Variants in URB2 observed in about 807,000 individuals in gnomAD.
The protein encoded by URB2 is URB2 ribosome biogenesis homolog.
URB2 carries 86 observed loss-of-function variants against 120.9 expected under a neutral mutation model. The ratio of observed to expected loss-of-function variants is 0.71; its 90% CI spans 0.60 to 0.85. URB2 has a LOEUF of 0.85. Ranked by LOEUF, URB2 falls within the 40% of genes least tolerant of loss-of-function variation. The pLI is 0.00. For synonymous variants in URB2, 755 were observed against 758.4 expected (o/e 1.00, Z 0.07); for missense variants, 1,765 against 1,836.5 (o/e 0.96, Z 0.71).
At chr1:229,654,772 A>G (rs1257164603) in intron 9 of URB2, among the ~76,000 whole-genome samples, 1 of 152,080 alleles carries the variant, frequency 6.6e-6, no homozygotes, top group African/African-American at 2.4e-5. Context: ...AGTCCTGTCT[A>G]GTTCAAGGTG....
At chr1:229,628,113 A>G (rs993941153) in intron 2 of URB2, among the ~76,000 whole-genome samples, 7 of 141,170 alleles carry the variant, frequency 5.0e-5, no homozygotes, top group Non-Finnish European at 1.5e-5. Context: ...ATATATGTAT[A>G]TATATGTATA....
intron 3 of URB2, among the ~76,000 whole-genome samples, chr1:229,633,434 T>C (rs1288478061): frequency 2.0e-5 from 3 of 152,242 alleles, no homozygotes; most frequent in African/African-American, 7.2e-5. Context: ...TGCTGCAGCA[T>C]ATGTGCATAA....
rs541930622 is a variant in URB2 at position 229,643,702 on chromosome 1, C to T, written c.3795+9C>T. 24 of 1,607,354 alleles carry T rather than the reference C, an allele frequency of 1.5e-5. No individual in the cohort carries two copies. The African/African-American group carries it at 1.9e-4, about 13-fold the overall frequency. ...GGAAAGCAGATGTGCAGGTGGGTGC[C>T]TTCTCCCTCCTTGTGTGGCAGGCTC... is the stretch of plus-strand genomic sequence containing the variant. On this transcript the variant is annotated intron_variant, in intron 5 of 9. Transcript: ENST00000258243.
chr1:229,636,492 T>C lies in URB2; in HGVS notation c.1879T>C (p.Tyr627His), dbSNP rs1422359884. Residue 627 changes from tyrosine to histidine, a missense_variant, in exon 4 of 10, where the codon TAT becomes CAT. Coordinates refer to ENST00000258243, the MANE Select transcript of URB2 (RefSeq NM_014777.4). ...DAMFSLNCSQYHSMSGPLIGV... is the reference protein window; with the variant it reads ...DAMFSLNCSQHHSMSGPLIGV... ...TATGTTCAGTTTGAACTGTAGCCAGTATCACTCTATGTCTGGGCCCCTTAT... is the reference window on the plus strand; with the variant it reads ...TATGTTCAGTTTGAACTGTAGCCAGCATCACTCTATGTCTGGGCCCCTTAT... 11 of 1,614,108 alleles carry C rather than the reference T, an allele frequency of 6.8e-6. No homozygotes were observed. Among genetic ancestry groups the C allele is most frequent in the Admixed American group, 1.7e-5 (1 of 60,010 alleles).
rs755475581 is a variant in URB2 at position 229,636,152 on chromosome 1, G to A, written c.1539G>A (p.Thr513=). The A allele has an allele frequency of 1.2e-5, 19 of 1,614,256 alleles. No individual in the cohort carries two copies. Among genetic ancestry groups the A allele is most frequent in the East Asian group, 8.9e-5 (4 of 44,890 alleles). ...TGCCTCCAAGTCAGATCCTGGACAC[G>A]TGGTCCCTTGTGCTGGAGAAGTTCC... ...LELPPSQILD[T]WSLVLEKFQS... Residue 513 remains threonine, a synonymous_variant, in exon 4 of 10, where the codon ACG becomes ACA. Transcript: ENST00000258243.
chr1:229,641,128 T>C (rs1256274924), intron 4 of URB2, among the ~76,000 whole-genome samples: 1 of 150,058 alleles, frequency 6.7e-6, no homozygotes, highest in Non-Finnish European at 1.5e-5. Context: ...TTCCCATGCC[T>C]CGGCCTCCTG....
At chr1:229,655,561 T>C (rs1263996802) in intron 9 of URB2, among the ~76,000 whole-genome samples, 2 of 152,222 alleles carry the variant, frequency 1.3e-5, no homozygotes, top group Non-Finnish European at 2.9e-5. Context: ...CTTTGGAATG[T>C]CATTATGCTA....
rs777785139 is a variant in URB2, at chr1:229,638,052, C to T, written c.3439C>T (p.Leu1147=). ...CATTTCCCAAGGAAGCGACAGGACG[C>T]TGCTCTCCCATGTTGCCCTCTACCA... ...ADISQGSDRT[L]LSHVALYQGV... is the part of the protein sequence containing the mutation. The change falls in exon 4 of 10, where the codon CTG becomes TTG. Residue 1147 remains leucine, a synonymous_variant. Coordinates refer to ENST00000258243, the MANE Select transcript of URB2 (RefSeq NM_014777.4). 37 of 1,613,728 alleles carry T rather than the reference C, an allele frequency of 2.3e-5. No individual in the cohort carries two copies. The highest frequency in any genetic ancestry group is 2.8e-5 in the Non-Finnish European group (33 of 1,179,798).
intron 4 of URB2, 112 bp downstream of exon 4, chr1:229,638,359 T>C (rs1665910987): frequency 7.8e-7 from 1 of 1,288,596 alleles, no homozygotes. Flanking sequence ...AGGTACCACA[T>C]GTGCGGCTGG....
chr1:229,629,235 A>G (rs1023228266), intron 2 of URB2, among the ~76,000 whole-genome samples: 16 of 152,224 alleles, frequency 1.1e-4, no homozygotes, highest in African/African-American at 3.1e-4. Context: ...TCTGTCTCCC[A>G]GATGATGTAT....
rs1248241573 is a variant in URB2, at chr1:229,632,394, G to T, written c.252G>T (p.Gln84His). Reference sequence around the variant, plus strand: ...ACATTTTACATAGCAGAAAATTGCAGAATCTCCTCAAGAATGGAAAGACCA... The same window carrying T: ...ACATTTTACATAGCAGAAAATTGCATAATCTCCTCAAGAATGGAAAGACCA... ...IDNILHSRKL[Q>H]NLLKNGKTIN... The change falls in exon 3 of 10, where the codon CAG (glutamine) becomes CAT (histidine). Residue 84 changes from glutamine (Q) to histidine (H), a missense_variant. Gln to His is a conservative substitution (Grantham distance 24, BLOSUM62 0). Transcript: ENST00000258243. The T allele has an allele frequency of 3.2e-6, 5 of 1,584,066 alleles. No homozygotes were observed. The highest frequency in any genetic ancestry group is 4.3e-6 in the Non-Finnish European group (5 of 1,170,098).
chr1:229,636,877 G>C lies in URB2; in HGVS notation c.2264G>C (p.Cys755Ser), dbSNP rs368390658. The change falls in exon 4 of 10, where the codon TGT becomes TCT. Residue 755 changes from cysteine to serine, a missense_variant. Transcript: ENST00000258243. ...CTCACAATTTTAATATCCTATCTGT[G>C]TCCAGATGATGTGGGATACCTGGCC... is the stretch of plus-strand genomic sequence containing the variant. ...SNLTILISYL[C>S]PDDVGYLASV... The C allele has an allele frequency of 1.9e-6, 3 of 1,611,550 alleles. No individual in the cohort carries two copies. The highest frequency in any genetic ancestry group is 2.7e-5 in the African/African-American group (2 of 74,842).
In URB2 at chr1:229,634,464, C is replaced by T. The variant is rs145923238; in HGVS notation, c.304-453C>T. On this transcript the variant is annotated intron_variant, in intron 3 of 9. Coordinates refer to ENST00000258243, the MANE Select transcript of URB2 (RefSeq NM_014777.4). ...AAGTGATCCGCCTGCCTCGGCCTCT[C>T]AAAGTGCTGGGATTACGGGTGTGAG... 3.5e-3 allele frequency among the ~76,000 whole-genome samples: 535 copies of T among 152,312 alleles called. 3 individuals are homozygous for T. Among genetic ancestry groups the T allele is most frequent in the African/African-American group, 0.012 (509 of 41,570 alleles).
At chr1:229,632,190 C>G in intron 2 of URB2, 79 bp from the exon 3 acceptor site, 1 of 1,338,722 alleles carries the variant, frequency 7.5e-7, no homozygotes, top group Non-Finnish European at 9.8e-7. Flanking sequence ...TTGCTTATAC[C>G]TGTAATGTCC....
rs764989649 is a variant in URB2 at position 229,635,943 on chromosome 1, C to T, written c.1330C>T (p.Arg444Ter). Residue 444 changes from arginine (R) to a stop codon, truncating the protein, a stop_gained, in exon 4 of 10, where the codon CGA (arginine) becomes TGA (stop). Transcript: ENST00000258243. LOFTEE classifies it high-confidence loss of function. Reference protein sequence around the residue: ...AWIDAEVTEFRTKKAQEALIR... With the variant: ...AWIDAEVTEF ...GATCGATGCCGAGGTAACAGAGTTT[C>T]GAACCAAAAAAGCCCAGGAGGCGCT... 1.7e-5 allele frequency: 28 copies of T among 1,614,064 alleles called. No individual in the cohort carries two copies. Among genetic ancestry groups the T allele is most frequent in the Non-Finnish European group, 2.1e-5 (25 of 1,180,040 alleles).
rs376774738 is a variant in URB2, at chr1:229,647,567, G to C, written c.3964G>C (p.Val1322Leu). The C allele has an allele frequency of 9.3e-6, 15 of 1,614,090 alleles. No homozygotes were observed. Among genetic ancestry groups the C allele is most frequent in the Admixed American group, 3.3e-5 (2 of 60,004 alleles). Residue 1322 changes from valine (V) to leucine (L), a missense_variant, in exon 7 of 10, where the codon GTC (valine) becomes CTC (leucine). Physicochemically the swap from Val to Leu is conservative, Grantham distance 32. Coordinates refer to ENST00000258243, the MANE Select transcript of URB2 (RefSeq NM_014777.4). The stretch of plus-strand genomic sequence containing the variant: ...TGTGTCCCTCACAGTGGTCGGGCCT[G>C]TCTTAGATGTCCTGGCTGCACTGCT... Reference protein sequence around the residue: ...QPVSLTVVGPVLDVLAALLRQ... With the variant: ...QPVSLTVVGPLLDVLAALLRQ...
chr1:229,643,794 G>A (rs1370932872), intron 5 of URB2, 101 bp downstream of exon 5: 7 of 1,454,744 alleles, frequency 4.8e-6, no homozygotes, highest in Admixed American at 2.3e-5. Flanking sequence ...AACTAAACAA[G>A]TTCTAACTGG....
chr1:229,639,657 G>A (rs1665953920), intron 4 of URB2, among the ~76,000 whole-genome samples: 1 of 152,136 alleles, frequency 6.6e-6, no homozygotes, highest in Non-Finnish European at 1.5e-5. Flanking sequence ...TTTCCAAAGA[G>A]CCTCTTACAG....
In URB2 at chr1:229,627,476, G is replaced by T; in HGVS notation, c.-13-145G>T. The T allele has an allele frequency of 5.2e-6, 4 of 770,242 alleles. No homozygotes were observed. In the South Asian group the frequency reaches 1.4e-4, roughly 27 times the overall value. The allele number at this position is 770,242 out of a possible 1,614,324, so 47.7% of individuals were successfully genotyped here. A position where few individuals can be genotyped will look rare whatever the true frequency, so the allele number is the denominator to read the frequency against. On this transcript the variant is annotated intron_variant, in intron 1 of 9. Coordinates refer to ENST00000258243, the MANE Select transcript of URB2 (RefSeq NM_014777.4). ...AGCATCTTGTATGTAGATTTACCCCGACAAATCTGTTGATTCATTAAAAAC... is the reference window on the plus strand; with the variant it reads ...AGCATCTTGTATGTAGATTTACCCCTACAAATCTGTTGATTCATTAAAAAC...
Sources: allele counts gnomAD v4.1 joint callset (sites outside exome capture counted in the v4.1 genomes callset), GRCh38; gene constraint gnomAD v4.1.1; transcripts MANE v1.5; gene names NCBI Gene and HGNC (gene_info 2026-07-23, HGNC 2026-07-21).